Variants in CACNB2 observed in about 807,000 individuals in gnomAD.
CACNB2 encodes voltage-dependent L-type calcium channel subunit beta-2.
A neutral mutation model predicts 73.3 loss-of-function variants in CACNB2; 42 were observed. That is an observed-to-expected ratio of 0.57 (90% CI 0.45 to 0.74). CACNB2 has a LOEUF of 0.74. Ranked by LOEUF, CACNB2 falls within the 30% of genes least tolerant of loss-of-function variation. The pLI is 0.00. For missense variants in CACNB2, 940 were observed against 853.0 expected, an observed-to-expected ratio of 1.10 and a Z score of -1.27; for synonymous variants, 348 against 310.3, an observed-to-expected ratio of 1.12 and a Z score of -1.28.
At chr10:18,368,292 C>T (rs1333026029) in intron 2 of CACNB2, among the ~76,000 whole-genome samples, 1 of 152,092 alleles carries the variant, frequency 6.6e-6, no homozygotes, top group African/African-American at 2.4e-5. Flanking sequence ...TCTTGTTTTT[C>T]GCCCTCGGGT....
chr10:18,375,839 T>C, intron 2 of CACNB2, among the ~76,000 whole-genome samples: 1 of 152,146 alleles, frequency 6.6e-6, no homozygotes, highest in East Asian at 1.9e-4. Context: ...TGACATAGAT[T>C]TGGACAACAG....
At position 18,176,512 on chromosome 10, in the gene CACNB2, TGTTCTA is replaced by T. The variant is rs1243874584; in HGVS notation, c.213+25539_213+25544del. Among the ~76,000 whole-genome samples the T allele has an allele frequency of 2.6e-5, 4 of 151,956 alleles. No individual in the cohort carries two copies. In the East Asian group the frequency reaches 7.7e-4, roughly 29 times the overall value. ...CAACAGTGGGGATGGGAAAGATGGG[TGTTCTA>T]GGAGTGGAGACCAGGGTAAGTGAAG... On this transcript the variant is annotated intron_variant, in intron 2 of 13. Coordinates refer to ENST00000324631, the MANE Select transcript of CACNB2 (RefSeq NM_201596.3).
chr10:18,145,125 G>T (rs2030830086), intron 1 of CACNB2, among the ~76,000 whole-genome samples: 1 of 152,202 alleles, frequency 6.6e-6, no homozygotes, highest in South Asian at 2.1e-4. Flanking sequence ...GGTCCCAGCT[G>T]GTCCCAGCCC....
At chr10:18,293,969 G>T (rs545070362) in intron 2 of CACNB2, among the ~76,000 whole-genome samples, 1 of 152,302 alleles carries the variant, frequency 6.6e-6, no homozygotes, top group South Asian at 2.1e-4. Flanking sequence ...TTTTGGCTAT[G>T]TGAAGTGAAA....
chr10:18,187,579 A>C (rs1303666451), intron 2 of CACNB2, among the ~76,000 whole-genome samples: 1 of 152,078 alleles, frequency 6.6e-6, no homozygotes, highest in Non-Finnish European at 1.5e-5. Flanking sequence ...GGGTTCTTAT[A>C]TTTTTCTTTT....
intron 12 of CACNB2, among the ~76,000 whole-genome samples, chr10:18,536,417 A>T (rs1589757972): frequency 6.6e-6 from 1 of 151,012 alleles, no homozygotes; most frequent in South Asian, 2.1e-4. Flanking sequence ...TGCCACCATG[A>T]TCGGCTAACT....
intron 2 of CACNB2, among the ~76,000 whole-genome samples, chr10:18,241,022 C>T (rs749371832): frequency 5.9e-5 from 9 of 152,196 alleles, no homozygotes; most frequent in Non-Finnish European, 1.3e-4. Flanking sequence ...TCCCTCTGCT[C>T]AGCGAGATAA....
intron 3 of CACNB2, among the ~76,000 whole-genome samples, chr10:18,420,771 C>T (rs1380215282): frequency 6.6e-6 from 1 of 152,174 alleles, no homozygotes; most frequent in Non-Finnish European, 1.5e-5. Context: ...TATTACTCTA[C>T]TTATATGACC....
In CACNB2 at chr10:18,464,312, G is replaced by A. The variant is rs533883176; in HGVS notation, c.334-34043G>A. On this transcript the variant is annotated intron_variant, in intron 3 of 13. Transcript: ENST00000324631. ...GTCCATGCTTGCTACTTGGGAGGCT[G>A]ACATGGGAGGATCACCTGAGCCTAA... 1.3e-4 allele frequency among the ~76,000 whole-genome samples: 19 copies of A among 149,604 alleles called. No individual in the cohort carries two copies. In the East Asian group the frequency reaches 3.7e-3, roughly 30 times the overall value.
At chr10:18,423,238 A>G (rs970279040) in intron 3 of CACNB2, among the ~76,000 whole-genome samples, 1 of 152,172 alleles carries the variant, frequency 6.6e-6, no homozygotes, top group Non-Finnish European at 1.5e-5. Context: ...CAGTGTAGTG[A>G]GTGATATGTA....
At chr10:18,379,236 CAG>C (rs2042919619) in intron 2 of CACNB2, among the ~76,000 whole-genome samples, 1 of 152,054 alleles carries the variant, frequency 6.6e-6, no homozygotes, top group South Asian at 2.1e-4. Context: ...TGTTTTGAGA[CAG>C]GGGTCTCACT....
intron 2 of CACNB2, among the ~76,000 whole-genome samples, chr10:18,167,936 G>A (rs934903011): frequency 3.3e-5 from 5 of 152,112 alleles, no homozygotes; most frequent in South Asian, 2.1e-4. Flanking sequence ...GGTCACCCCC[G>A]ACCCCAACCC....
At chr10:18,243,718 C>T (rs2036750605) in intron 2 of CACNB2, among the ~76,000 whole-genome samples, 1 of 152,102 alleles carries the variant, frequency 6.6e-6, no homozygotes, top group South Asian at 2.1e-4. Context: ...TCTTGCTTTT[C>T]CTCTTGGCAC....
chr10:18,412,520 A>G (rs564458235), intron 3 of CACNB2, among the ~76,000 whole-genome samples: 2 of 152,124 alleles, frequency 1.3e-5, no homozygotes, highest in East Asian at 3.9e-4. Flanking sequence ...TTCTGTCTCC[A>G]TCTCTTTACT....
chr10:18,312,531 G>A (rs970703080), intron 2 of CACNB2, among the ~76,000 whole-genome samples: 1 of 152,144 alleles, frequency 6.6e-6, no homozygotes, highest in African/African-American at 2.4e-5. Context: ...ATGACTATAA[G>A]GAGATACACA....
intron 3 of CACNB2, among the ~76,000 whole-genome samples, chr10:18,486,088 T>C (rs183632492): frequency 2.6e-4 from 40 of 152,278 alleles, no homozygotes; most frequent in Non-Finnish European, 4.3e-4. Flanking sequence ...CATAGTAAAA[T>C]TCACCTTTGT....
intron 2 of CACNB2, among the ~76,000 whole-genome samples, chr10:18,360,692 A>G (rs1589137210): frequency 1.3e-5 from 2 of 152,350 alleles, no homozygotes; most frequent in African/African-American, 2.4e-5. Flanking sequence ...GTGGCCACAC[A>G]TAGTCATGAG....
intron 3 of CACNB2, among the ~76,000 whole-genome samples, chr10:18,415,189 G>A (rs1033037103): frequency 9.9e-5 from 15 of 152,282 alleles, no homozygotes; most frequent in African/African-American, 3.4e-4. Flanking sequence ...TGTAGGCTTG[G>A]CATGGTGGCT....
At chr10:18,373,272 T>C (rs2042663305) in intron 2 of CACNB2, among the ~76,000 whole-genome samples, 1 of 152,188 alleles carries the variant, frequency 6.6e-6, no homozygotes, top group Admixed American at 6.5e-5. Flanking sequence ...ATTAAACCTT[T>C]ATGAAATCCA....
Sources: gnomAD v4.1 joint callset for allele counts (sites outside exome capture counted in the v4.1 genomes callset) on GRCh38, gnomAD v4.1.1 for gene constraint, MANE v1.5 for transcripts, NCBI Gene and HGNC (gene_info 2026-07-23, HGNC 2026-07-21) for gene names.